CYRIA: variants seen among roughly 807,000 people sequenced by gnomAD.
CYRIA encodes CYFIP-related Rac1 interactor A.
In CYRIA, 15 loss-of-function variants were observed where a neutral mutation model predicts 43.9. The observed-to-expected ratio is 0.34, with a 90% confidence interval of 0.23 to 0.53. The LOEUF (loss-of-function observed/expected upper bound fraction) is 0.53, where lower values mean the gene tolerates loss of function less well. CYRIA is among the 20% of genes least tolerant of loss of function. The pLI, the probability that CYRIA is intolerant of heterozygous loss-of-function variation, is 0.94. For missense variants in CYRIA, 236 were observed against 394.2 expected (o/e 0.60, Z 3.40); for synonymous variants, 117 against 136.0 (o/e 0.86, Z 0.97).
intron 10 of CYRIA, among the ~76,000 whole-genome samples, chr2:16,556,211 G>C (rs1390476981): frequency 6.6e-6 from 1 of 152,134 alleles, no homozygotes; most frequent in East Asian, 1.9e-4. Flanking sequence ...GACCCTGATA[G>C]ACTGATGGAG....
At chr2:16,593,707 TGTGTG>T (rs1161001887) in intron 2 of CYRIA, among the ~76,000 whole-genome samples, 7 of 95,232 alleles carry the variant, frequency 7.4e-5, no homozygotes, top group African/African-American at 1.3e-4. Flanking sequence ...TGTTTTTTTT[TGTGTG>T]TGTGTGTTTT....
intron 9 of CYRIA, chr2:16,560,697 A>G (rs1214613255): frequency 2.3e-6 from 1 of 433,764 alleles, no homozygotes; most frequent in Non-Finnish European, 4.2e-6. Context: ...CACACCCTCC[A>G]TTTGGTTCTT....
intron 10 of CYRIA, among the ~76,000 whole-genome samples, chr2:16,559,162 C>T (rs1400930485): frequency 2.6e-5 from 4 of 152,162 alleles, no homozygotes; most frequent in Admixed American, 6.5e-5. Flanking sequence ...TTGTACAGCA[C>T]ACTGGGTAAA....
chr2:16,631,375 A>T (rs925900597), intron 1 of CYRIA, among the ~76,000 whole-genome samples: 23 of 152,218 alleles, frequency 1.5e-4, no homozygotes, highest in Non-Finnish European at 4.4e-5. Flanking sequence ...GGAGGAAGGA[A>T]AGAGGTGGCA....
chr2:16,610,031 C>A (rs1375387892), intron 2 of CYRIA, among the ~76,000 whole-genome samples: 1 of 152,176 alleles, frequency 6.6e-6, no homozygotes, highest in Non-Finnish European at 1.5e-5. Flanking sequence ...CCAATATGTA[C>A]TGATTTACAG....
chr2:16,581,228 A>G lies in CYRIA; in HGVS notation c.70+6822T>C, dbSNP rs114965279. 5.6e-3 allele frequency among the ~76,000 whole-genome samples: 857 copies of G among 152,372 alleles called. 11 individuals carry two copies. Among genetic ancestry groups the G allele is most frequent in the African/African-American group, 0.02 (827 of 41,598 alleles). ...AAAACACATGTATACAAAGTACAATAAAGAATTCCTACAATTTACCAATAC... is the reference window on the plus strand; with the variant it reads ...AAAACACATGTATACAAAGTACAATGAAGAATTCCTACAATTTACCAATAC... On this transcript the variant is annotated intron_variant, in intron 3 of 11. Coordinates refer to ENST00000381323, the MANE Select transcript of CYRIA (RefSeq NM_030797.4).
intron 1 of CYRIA, among the ~76,000 whole-genome samples, chr2:16,641,962 G>A (rs1669690523): frequency 6.6e-6 from 1 of 152,150 alleles, no homozygotes; most frequent in Non-Finnish European, 1.5e-5. Context: ...AGGAGGTCAG[G>A]GTCTCTTAAT....
chr2:16,613,770 G>T (rs563144761), intron 2 of CYRIA, among the ~76,000 whole-genome samples: 37 of 152,300 alleles, frequency 2.4e-4, no homozygotes, highest in Admixed American at 1.8e-3. Flanking sequence ...TTTTCTAAAC[G>T]TGATTCCACT....
chr2:16,623,482 G>A (rs757353239), intron 2 of CYRIA, among the ~76,000 whole-genome samples: 7 of 152,120 alleles, frequency 4.6e-5, no homozygotes, highest in East Asian at 1.9e-4. Flanking sequence ...ATGCAAGTCC[G>A]TTCTCTGACA....
At chr2:16,630,014 T>C (rs796630227) in intron 1 of CYRIA, among the ~76,000 whole-genome samples, 1 of 152,102 alleles carries the variant, frequency 6.6e-6, no homozygotes, top group Non-Finnish European at 1.5e-5. Context: ...CAGGCAGTCC[T>C]AGACAGTCAG....
At position 16,590,015 on chromosome 2, in the gene CYRIA, C is replaced by T. The variant is rs539657067; in HGVS notation, c.-10-1886G>A. Among the ~76,000 whole-genome samples the T allele has an allele frequency of 4.6e-5, 7 of 151,928 alleles. No homozygotes were observed. The South Asian group carries it at 6.2e-4, about 14-fold the overall frequency. ...GTGTGGGGCAGAAGGCTGGGCTAGACGCATCCTAGACATCTCTCACCTTGA... is the reference window on the plus strand; with the variant it reads ...GTGTGGGGCAGAAGGCTGGGCTAGATGCATCCTAGACATCTCTCACCTTGA... On this transcript the variant is annotated intron_variant, in intron 2 of 11. Coordinates refer to ENST00000381323, the MANE Select transcript of CYRIA (RefSeq NM_030797.4).
At position 16,653,737 on chromosome 2, in the gene CYRIA, G is replaced by A. The variant is rs1245468917; in HGVS notation, c.-167+12043C>T. On this transcript the variant is annotated intron_variant, in intron 1 of 11. Transcript: ENST00000381323. ...CAGATGGACGGATGAATTTGACGGG[G>A]ACCTGGGGAAGGTTTATGGCGAATG... is the stretch of plus-strand genomic sequence containing the variant. 2.0e-5 allele frequency among the ~76,000 whole-genome samples: 3 copies of A among 152,156 alleles called. No individual in the cohort carries two copies. In the East Asian group the frequency reaches 5.8e-4, roughly 29 times the overall value.
intron 2 of CYRIA, among the ~76,000 whole-genome samples, chr2:16,611,355 C>T (rs568567669): frequency 1.2e-4 from 18 of 152,078 alleles, no homozygotes; most frequent in African/African-American, 2.2e-4. Flanking sequence ...CAGAGAGAGA[C>T]GCCATCTCAA....
At chr2:16,576,342 G>C (rs1667347191) in intron 3 of CYRIA, among the ~76,000 whole-genome samples, 1 of 152,168 alleles carries the variant, frequency 6.6e-6, no homozygotes, top group African/African-American at 2.4e-5. Flanking sequence ...TAACAATTTA[G>C]TAAAACAGTA....
chr2:16,615,532 T>A (rs1198736496), intron 2 of CYRIA, among the ~76,000 whole-genome samples: 2 of 152,140 alleles, frequency 1.3e-5, no homozygotes, highest in African/African-American at 2.4e-5. Context: ...TGAGCTGGAC[T>A]AGATGGCTAT....
rs1667801386 is a variant in CYRIA, at chr2:16,588,200, G to C, written c.-10-71C>G. The C allele has an allele frequency of 3.0e-6, 3 of 991,778 alleles. No homozygotes were observed. In the South Asian group the frequency reaches 4.7e-5, roughly 16 times the overall value. 61.4% of individuals were successfully genotyped at this position (991,778 alleles called of 1,614,324 possible). ...AAATAGACTTGCGTGAATATCCCTG[G>C]GCCCCCCATAGCTACCTTTGAAGAC... On this transcript the variant is annotated intron_variant, in intron 2 of 11. Transcript: ENST00000381323.
chr2:16,561,912 C>G lies in CYRIA; in HGVS notation c.435+93G>C, dbSNP rs566566030. 6 of 1,271,224 alleles carry G rather than the reference C, an allele frequency of 4.7e-6. No individual in the cohort carries two copies. In the South Asian group the frequency reaches 9.0e-5, roughly 19 times the overall value. 78.7% of individuals were successfully genotyped at this position (1,271,224 alleles called of 1,614,324 possible). ...AAGGAATTACATCTTACTCATTTCTCTACCCACCCACCCCACAGCACTAAC... is the reference window on the plus strand; with the variant it reads ...AAGGAATTACATCTTACTCATTTCTGTACCCACCCACCCCACAGCACTAAC... On this transcript the variant is annotated intron_variant, in intron 6 of 11. Transcript: ENST00000381323.
intron 3 of CYRIA, among the ~76,000 whole-genome samples, chr2:16,587,074 G>A (rs551255273): frequency 1.0e-3 from 158 of 152,064 alleles, no homozygotes; most frequent in African/African-American, 3.6e-3. Flanking sequence ...TGAAGAAAAC[G>A]TAGTTTTTGA....
chr2:16,610,688 A>G (rs1306906561), intron 2 of CYRIA, among the ~76,000 whole-genome samples: 1 of 152,158 alleles, frequency 6.6e-6, no homozygotes, highest in East Asian at 1.9e-4. Flanking sequence ...GTTGGAACAC[A>G]TGATAAACTT....
Sources: gnomAD v4.1 joint callset for allele counts (sites outside exome capture counted in the v4.1 genomes callset) on GRCh38, gnomAD v4.1.1 for gene constraint, MANE v1.5 for transcripts, NCBI Gene and HGNC (gene_info 2026-07-23, HGNC 2026-07-21) for gene names.